The following NPAS3 variants were observed in gnomAD, a reference collection of about 807,000 sequenced individuals.
The protein encoded by NPAS3 is neuronal PAS domain-containing protein 3.
NPAS3 carries 14 observed loss-of-function variants against 73.1 expected under a neutral mutation model. The ratio of observed to expected loss-of-function variants is 0.19; its 90% CI spans 0.13 to 0.30. The LOEUF (loss-of-function observed/expected upper bound fraction) is 0.30, where lower values mean the gene tolerates loss of function less well. Ranked by LOEUF, NPAS3 falls within the 10% of genes least tolerant of loss-of-function variation. The pLI is 1.00. For synonymous variants in NPAS3, 620 were observed against 541.5 expected, an observed-to-expected ratio of 1.14 and a Z score of -2.01; for missense variants, 1,096 against 1,250.0, an observed-to-expected ratio of 0.88 and a Z score of 1.86.
rs780708461 is a variant in NPAS3, at chr14:33,178,070, A to ATTTTTTTTTTTTTTTTTTTTT, written c.141-37104_141-37103insTTTTTTTTTTTTTTTTTTTTT. Among the ~76,000 whole-genome samples, 9 of 123,868 alleles carry ATTTTTTTTTTTTTTTTTTTTT rather than the reference A, an allele frequency of 7.3e-5. 4 individuals are homozygous for ATTTTTTTTTTTTTTTTTTTTT. Among genetic ancestry groups the ATTTTTTTTTTTTTTTTTTTTT allele is most frequent in the Non-Finnish European group, 1.3e-4 (8 of 60,560 alleles). The allele number at this position is 123,868 out of a possible 152,430, so 81.3% of individuals were successfully genotyped here. ...GGAATTTTGATAGGCATTGAAGTGA[A>ATTTTTTTTTTTTTTTTTTTTT]TTTTTTTTGTTTTTTTTTTTTTGGA... On this transcript the variant is annotated intron_variant, in intron 2 of 11. Transcript: ENST00000356141.
chr14:33,453,043 G>A (rs978525693), intron 4 of NPAS3, among the ~76,000 whole-genome samples: 2 of 152,074 alleles, frequency 1.3e-5, no homozygotes, highest in African/African-American at 4.8e-5. Flanking sequence ...GGTGACAGAG[G>A]CTCCTGATTC....
chr14:33,139,981 G>T (rs1206651753), intron 2 of NPAS3, among the ~76,000 whole-genome samples: 1 of 151,854 alleles, frequency 6.6e-6, no homozygotes, highest in Non-Finnish European at 1.5e-5. Flanking sequence ...GAATTTAAGG[G>T]ATTTTCATTT....
At chr14:33,679,985 A>G (rs1250242122) in intron 6 of NPAS3, among the ~76,000 whole-genome samples, 2 of 152,240 alleles carry the variant, frequency 1.3e-5, no homozygotes, top group Non-Finnish European at 2.9e-5. Context: ...AAAATGTTAT[A>G]AAGTCCGAGA....
At chr14:33,480,493 G>A (rs1465457571) in intron 4 of NPAS3, among the ~76,000 whole-genome samples, 5 of 149,736 alleles carry the variant, frequency 3.3e-5, no homozygotes, top group Non-Finnish European at 5.9e-5. Context: ...TATTCTCTCC[G>A]TCTGTCTCTC....
At chr14:33,000,606 A>G (rs1021279823) in intron 1 of NPAS3, among the ~76,000 whole-genome samples, 5 of 152,250 alleles carry the variant, frequency 3.3e-5, no homozygotes, top group Admixed American at 2.6e-4. Flanking sequence ...GAAATTACAA[A>G]GGAAATAGGA....
At chr14:33,539,740 G>T (rs1201030600) in intron 4 of NPAS3, among the ~76,000 whole-genome samples, 1 of 152,038 alleles carries the variant, frequency 6.6e-6, no homozygotes, top group Non-Finnish European at 1.5e-5. Context: ...TGTTTCTATT[G>T]TTAACATTCT....
chr14:33,647,288 C>A (rs61268612), intron 5 of NPAS3, among the ~76,000 whole-genome samples: 1,671 of 149,870 alleles, frequency 0.011, 18 homozygotes, highest in African/African-American at 0.035. Flanking sequence ...CTCTCTCTCT[C>A]TCTATATATA....
chr14:33,172,603 G>A (rs2045433317), intron 2 of NPAS3, among the ~76,000 whole-genome samples: 1 of 152,046 alleles, frequency 6.6e-6, no homozygotes, highest in South Asian at 2.1e-4. Flanking sequence ...GGGTGTGGTG[G>A]TCCATGCCTG....
chr14:33,407,095 T>G (rs2047700757), intron 4 of NPAS3, among the ~76,000 whole-genome samples: 1 of 152,170 alleles, frequency 6.6e-6, no homozygotes, highest in African/African-American at 2.4e-5. Context: ...CTGTGGTTGC[T>G]AATTGAACTC....
chr14:33,434,046 G>T (rs1298168895), intron 4 of NPAS3, among the ~76,000 whole-genome samples: 2 of 152,004 alleles, frequency 1.3e-5, no homozygotes, highest in Non-Finnish European at 1.5e-5. Context: ...ACAAAAATTA[G>T]CTGGGCGTGG....
chr14:33,760,425 C>T (rs1408841419), intron 7 of NPAS3, among the ~76,000 whole-genome samples: 3 of 152,110 alleles, frequency 2.0e-5, no homozygotes, highest in Non-Finnish European at 2.9e-5. Context: ...CTCAAAGATA[C>T]TTTGGAACGA....
intron 4 of NPAS3, among the ~76,000 whole-genome samples, chr14:33,404,444 CA>C (rs2047577135): frequency 6.6e-6 from 1 of 152,072 alleles, no homozygotes; most frequent in Non-Finnish European, 1.5e-5. Flanking sequence ...CTTTATTAAT[CA>C]AAATTCTGTA....
In NPAS3 at chr14:33,427,696, T is replaced by C. The variant is rs569172779; in HGVS notation, c.468+60428T>C. Among the ~76,000 whole-genome samples, 3 of 152,118 alleles carry C rather than the reference T, an allele frequency of 2.0e-5. No individual in the cohort carries two copies. The South Asian group carries it at 6.2e-4, about 32-fold the overall frequency. On this transcript the variant is annotated intron_variant, in intron 4 of 11. Transcript: ENST00000356141. ...TCAATAAAATTGTTGGAATATAAAT[T>C]ACACAAGGGCAAGGATTTTGCTGAT...
intron 3 of NPAS3, among the ~76,000 whole-genome samples, chr14:33,266,797 G>A (rs1483606277): frequency 6.6e-6 from 1 of 152,110 alleles, no homozygotes; most frequent in African/African-American, 2.4e-5. Flanking sequence ...AATCTTGTAT[G>A]GCTAGTACTC....
At chr14:33,643,375 T>TAAAAAAAAAAAAAAAA (rs755879056) in intron 5 of NPAS3, among the ~76,000 whole-genome samples, 1 of 94,662 alleles carries the variant, frequency 1.1e-5, no homozygotes. Context: ...AAATAAAAAT[T>TAAAAAAAAAAAAAAAA]AAAAAAAAAA....
intron 4 of NPAS3, among the ~76,000 whole-genome samples, chr14:33,494,727 T>A (rs1186168380): frequency 6.6e-6 from 1 of 152,090 alleles, no homozygotes; most frequent in Non-Finnish European, 1.5e-5. Flanking sequence ...ATTTGTTTTC[T>A]TTTTACAGTC....
chr14:33,149,019 G>A (rs2044350033), intron 2 of NPAS3, among the ~76,000 whole-genome samples: 1 of 152,070 alleles, frequency 6.6e-6, no homozygotes, highest in South Asian at 2.1e-4. Flanking sequence ...TATTTCTACT[G>A]GACAGCACTG....
intron 2 of NPAS3, among the ~76,000 whole-genome samples, chr14:33,162,248 C>T (rs1018755190): frequency 2.0e-5 from 3 of 152,180 alleles, no homozygotes; most frequent in African/African-American, 7.2e-5. Context: ...AATGAATCTC[C>T]ATGCATCCAT....
chr14:33,754,163 A>G (rs1241342606), intron 7 of NPAS3, among the ~76,000 whole-genome samples: 1 of 152,180 alleles, frequency 6.6e-6, no homozygotes, highest in Non-Finnish European at 1.5e-5. Context: ...CATTACAGAC[A>G]GACAGTGATC....
Sources: gnomAD v4.1 joint callset for allele counts (sites outside exome capture counted in the v4.1 genomes callset) on GRCh38, gnomAD v4.1.1 for gene constraint, MANE v1.5 for transcripts, NCBI Gene and HGNC (gene_info 2026-07-23, HGNC 2026-07-21) for gene names.